Variants in MAD1L1 observed in about 807,000 individuals in gnomAD.
MAD1L1 encodes the protein mitotic arrest deficient 1 like 1, also known as mitotic spindle assembly checkpoint protein MAD1.
MAD1L1 carries 95 observed loss-of-function variants against 96.9 expected under a neutral mutation model. The observed-to-expected ratio is 0.98, with a 90% confidence interval of 0.83 to 1.16. The LOEUF is 1.16. MAD1L1 is among the 50% of genes most tolerant of loss of function. MAD1L1 has a pLI of 0.00. For missense variants in MAD1L1, 1,007 were observed against 954.4 expected (o/e 1.06, Z -0.73); for synonymous variants, 473 against 396.6 (o/e 1.19, Z -2.29).
intron 11 of MAD1L1, among the ~76,000 whole-genome samples, chr7:2,083,965 C>T (rs1399669006): frequency 6.6e-6 from 1 of 152,168 alleles, no homozygotes; most frequent in East Asian, 1.9e-4. Context: ...GGGAAGCGGG[C>T]GCAGACTGGG....
intron 11 of MAD1L1, among the ~76,000 whole-genome samples, chr7:2,111,987 C>T (rs907470446): frequency 2.6e-5 from 4 of 152,344 alleles, no homozygotes; most frequent in Admixed American, 1.3e-4. Context: ...TTTCACCAAA[C>T]CCAGAAACAA....
chr7:1,949,355 T>G (rs547593389), intron 16 of MAD1L1, among the ~76,000 whole-genome samples: 1 of 152,162 alleles, frequency 6.6e-6, no homozygotes, highest in Non-Finnish European at 1.5e-5. Context: ...ACCCGCGCAG[T>G]GAAACCAAAG....
chr7:1,847,195 T>G (rs1216159899), intron 18 of MAD1L1: 8 of 463,094 alleles, frequency 1.7e-5, no homozygotes, highest in Non-Finnish European at 3.1e-5. Context: ...TCCAGGGTGT[T>G]TGTTTGAAGG....
intron 11 of MAD1L1, among the ~76,000 whole-genome samples, chr7:2,124,151 C>G (rs1788116924): frequency 2.0e-5 from 3 of 152,232 alleles, no homozygotes; most frequent in Admixed American, 1.3e-4. Context: ...GAGGCCACGC[C>G]ACGCCCCTGC....
At chr7:1,898,734 C>CCAGGAAGCCACAGGGT (rs987582420) in intron 17 of MAD1L1, among the ~76,000 whole-genome samples, 1 of 152,154 alleles carries the variant, frequency 6.6e-6, no homozygotes, top group Non-Finnish European at 1.5e-5. Flanking sequence ...ACAGTCACTG[C>CCAGGAAGCCACAGGGT]CAGGAAGCCA....
At chr7:1,975,518 T>C (rs1324406653) in intron 15 of MAD1L1, among the ~76,000 whole-genome samples, 2 of 152,164 alleles carry the variant, frequency 1.3e-5, no homozygotes, top group Non-Finnish European at 2.9e-5. Context: ...CCCACTGCCC[T>C]AGAAGCTTGG....
At chr7:1,863,687 C>T (rs957142584) in intron 18 of MAD1L1, among the ~76,000 whole-genome samples, 23 of 152,230 alleles carry the variant, frequency 1.5e-4, no homozygotes, top group African/African-American at 5.1e-4. Context: ...CTTGCCCCTC[C>T]GCTCCCTGGA....
At chr7:2,021,671 A>G (rs952930200) in intron 12 of MAD1L1, among the ~76,000 whole-genome samples, 8 of 152,110 alleles carry the variant, frequency 5.3e-5, no homozygotes, top group Non-Finnish European at 8.8e-5. Flanking sequence ...AGGCTGAGGC[A>G]GGAGAATCGC....
intron 12 of MAD1L1, among the ~76,000 whole-genome samples, chr7:2,028,039 TA>T (rs1472838537): frequency 7.9e-5 from 12 of 152,222 alleles, no homozygotes; most frequent in African/African-American, 2.9e-4. Context: ...ATTTCTACAT[TA>T]TTATTCAAAG....
At chr7:1,886,610 C>T (rs1786048629) in intron 18 of MAD1L1, among the ~76,000 whole-genome samples, 1 of 152,246 alleles carries the variant, frequency 6.6e-6, no homozygotes, top group Non-Finnish European at 1.5e-5. Context: ...TGGGCGTGTG[C>T]AGGTTCTCTG....
rs1339119873 is a variant in MAD1L1 at position 1,968,957 on chromosome 7, G to C, written c.1506-11238C>G. On this transcript the variant is annotated intron_variant, in intron 15 of 18. Coordinates refer to ENST00000265854, the MANE Select transcript of MAD1L1 (RefSeq NM_001013836.2). This position sits in a 1 kb window ranked among gnomAD's most constrained non-coding sequence, Gnocchi z 5.6. ...GACAGGCCCAGAGTCACACGCCGGT[G>C]ACGAGCACCATGGCAGCGTGAGATG... 1.3e-5 allele frequency among the ~76,000 whole-genome samples: 2 copies of C among 152,250 alleles called. No homozygotes were observed. Among genetic ancestry groups the C allele is most frequent in the Non-Finnish European group, 2.9e-5 (2 of 68,044 alleles).
Position 2,119,164 on chromosome 7 carries a change from G to GC in MAD1L1, c.1073+29987dup, listed in dbSNP as rs1787858646. 6.6e-6 allele frequency among the ~76,000 whole-genome samples: 1 copy of GC among 152,110 alleles called. No homozygotes were observed. Among genetic ancestry groups the GC allele is most frequent in the Non-Finnish European group, 1.5e-5 (1 of 68,024 alleles). ...AAAGCAAGAAGGTTCAGGCCAGGCA[G>GC]CCTGGACTCCTGCTGTGTTTCATCT... On this transcript the variant is annotated intron_variant, in intron 11 of 18. Transcript: ENST00000265854. This position sits in a 1 kb window ranked among gnomAD's most constrained non-coding sequence, Gnocchi z 4.6.
chr7:2,009,740 G>A (rs73045466), intron 13 of MAD1L1, among the ~76,000 whole-genome samples: 4,984 of 152,322 alleles, frequency 0.033, 178 homozygotes, highest in Admixed American at 0.097. Flanking sequence ...AGGCCCTGGG[G>A]GATGCTCTGA....
At chr7:2,228,760 A>G (rs1205182040) in intron 3 of MAD1L1, among the ~76,000 whole-genome samples, 5 of 142,190 alleles carry the variant, frequency 3.5e-5, no homozygotes, top group Non-Finnish European at 7.7e-5. Flanking sequence ...TTTTTTTTTG[A>G]GACAGGGTCT....
intron 15 of MAD1L1, 50 bp from the exon 16 acceptor site, chr7:1,957,769 G>C (rs1353761252): frequency 6.4e-7 from 1 of 1,569,850 alleles, no homozygotes; most frequent in Non-Finnish European, 8.8e-7. Flanking sequence ...AGCCATGCTG[G>C]GGAAGTCCCA....
At chr7:1,857,181 G>A (rs981543992) in intron 18 of MAD1L1, among the ~76,000 whole-genome samples, 5 of 152,186 alleles carry the variant, frequency 3.3e-5, no homozygotes, top group African/African-American at 9.7e-5. Context: ...CAAGAGCCGC[G>A]AGCGCGGACC....
chr7:2,229,908 C>T (rs895001268), intron 3 of MAD1L1, 76 bp downstream of exon 3: 2 of 1,502,764 alleles, frequency 1.3e-6, no homozygotes, highest in East Asian at 4.5e-5. Flanking sequence ...ACCTCAACTA[C>T]AGAAGACTGG....
chr7:2,126,693 G>C (rs1356662174), intron 11 of MAD1L1, among the ~76,000 whole-genome samples: 1 of 152,198 alleles, frequency 6.6e-6, no homozygotes, highest in Non-Finnish European at 1.5e-5. Context: ...CTGTCACTCA[G>C]AGTTTTTAAA....
intron 12 of MAD1L1, among the ~76,000 whole-genome samples, chr7:2,041,250 T>C (rs906154651): frequency 1.3e-5 from 2 of 152,182 alleles, no homozygotes; most frequent in South Asian, 2.1e-4. Context: ...GAATCCTTCC[T>C]CAGTCCCTTG....
Sources: allele counts gnomAD v4.1 joint callset (sites outside exome capture counted in the v4.1 genomes callset), GRCh38; gene constraint gnomAD v4.1.1; non-coding constraint Gnocchi (gnomAD v3.1); transcripts MANE v1.5; gene names NCBI Gene and HGNC (gene_info 2026-07-23, HGNC 2026-07-21).